TBXAS1: variants seen among roughly 807,000 people sequenced by gnomAD.
TBXAS1 encodes the protein thromboxane-A synthase.
Under a neutral mutation model 60.7 loss-of-function variants are expected in TBXAS1, and 48 were observed. The ratio of observed to expected loss-of-function variants is 0.79; its 90% CI spans 0.63 to 1.01. The LOEUF is 1.01. Ranked by LOEUF, TBXAS1 falls within the 50% of genes least tolerant of loss-of-function variation. The pLI is 0.00. For synonymous variants in TBXAS1, 287 were observed against 269.7 expected (o/e 1.06, Z -0.63); for missense variants, 685 against 686.3 (o/e 1.00, Z 0.02).
intron 6 of TBXAS1, among the ~76,000 whole-genome samples, chr7:139,954,960 G>T (rs1809720835): frequency 6.6e-6 from 1 of 152,222 alleles, no homozygotes; most frequent in Admixed American, 6.5e-5. Context: ...GGGAGACAAA[G>T]TTAATAAAAC....
chr7:139,987,110 C>G (rs558034227), intron 9 of TBXAS1, among the ~76,000 whole-genome samples: 1 of 152,256 alleles, frequency 6.6e-6, no homozygotes, highest in Admixed American at 6.5e-5. Flanking sequence ...GTTTCTCGTG[C>G]TTGGCTGCAG....
intron 1 of TBXAS1, among the ~76,000 whole-genome samples, chr7:139,830,316 TTA>T (rs753064973): frequency 3.9e-5 from 6 of 152,188 alleles, no homozygotes; most frequent in Non-Finnish European, 8.8e-5. Flanking sequence ...GAATTTTAAT[TTA>T]TGTTTTCAGT....
Position 139,849,822 on chromosome 7 carries a change from C to T in TBXAS1, c.89+20343C>T, listed in dbSNP as rs188683367. On this transcript the variant is annotated intron_variant, in intron 1 of 12. Transcript: ENST00000448866. ...AGCTTGTTCACCATGTCCTGAAATACAGCAACCAGGGGACACTCTTGTAGA... is the reference window on the plus strand; with the variant it reads ...AGCTTGTTCACCATGTCCTGAAATATAGCAACCAGGGGACACTCTTGTAGA... 5.3e-5 allele frequency among the ~76,000 whole-genome samples: 8 copies of T among 152,342 alleles called. No homozygotes were observed. The East Asian group carries it at 1.5e-3, about 29-fold the overall frequency.
chr7:139,790,367 T>G (rs1358844290), intron 4 of TBXAS1, among the ~76,000 whole-genome samples: 1 of 152,250 alleles, frequency 6.6e-6, no homozygotes, highest in African/African-American at 2.4e-5. Flanking sequence ...ACAATCCAAG[T>G]CTGGCTAATT....
intron 1 of TBXAS1, among the ~76,000 whole-genome samples, chr7:139,868,341 G>A (rs1584722106): frequency 6.6e-6 from 1 of 152,176 alleles, no homozygotes; most frequent in Non-Finnish European, 1.5e-5. Context: ...GTTACAGCAA[G>A]ATATTTAAAA....
At chr7:139,947,089 C>T (rs1808779821) in intron 5 of TBXAS1, among the ~76,000 whole-genome samples, 1 of 152,118 alleles carries the variant, frequency 6.6e-6, no homozygotes, top group Admixed American at 6.5e-5. Context: ...TTAGAATTCA[C>T]TCTGTTGCCC....
chr7:139,904,047 T>G (rs1804782685), intron 3 of TBXAS1, among the ~76,000 whole-genome samples: 1 of 152,064 alleles, frequency 6.6e-6, no homozygotes, highest in Admixed American at 6.5e-5. Context: ...TCTAGAAAGG[T>G]TTTTCTAATA....
chr7:139,954,685 T>C (rs553280542), intron 6 of TBXAS1, among the ~76,000 whole-genome samples: 1 of 152,204 alleles, frequency 6.6e-6, no homozygotes, highest in Non-Finnish European at 1.5e-5. Flanking sequence ...ACTACTCCTA[T>C]AAGATAACAA....
At chr7:139,817,035 T>A (rs1798165811) in intron 4 of TBXAS1, among the ~76,000 whole-genome samples, 1 of 152,114 alleles carries the variant, frequency 6.6e-6, no homozygotes, top group African/African-American at 2.4e-5. Flanking sequence ...CTGGACTCCC[T>A]CCTCTCCTTG....
chr7:139,867,829 T>TAAATAAAA (rs1569504216), intron 1 of TBXAS1, among the ~76,000 whole-genome samples: 1 of 139,148 alleles, frequency 7.2e-6, no homozygotes. Flanking sequence ...AAATAAATAA[T>TAAATAAAA]AAATAAATAA....
intron 1 of TBXAS1, among the ~76,000 whole-genome samples, chr7:139,853,597 A>T (rs1435207750): frequency 6.6e-6 from 1 of 152,102 alleles, no homozygotes; most frequent in Non-Finnish European, 1.5e-5. Flanking sequence ...AGCATCCTGT[A>T]ACTGTTTCCT....
In TBXAS1 at chr7:140,006,868, C is replaced by T. The variant is rs528749703; in HGVS notation, c.1135-223C>T. 7.9e-5 allele frequency among the ~76,000 whole-genome samples: 12 copies of T among 152,286 alleles called. No homozygotes were observed. In the East Asian group the frequency reaches 9.6e-4, roughly 12 times the overall value. ...TTTATAACCAAACTTCTCTGTATTA[C>T]GAAGACCCCTGAGCCCCAGGCTAGC... On this transcript the variant is annotated intron_variant, in intron 9 of 12. Transcript: ENST00000448866.
intron 9 of TBXAS1, among the ~76,000 whole-genome samples, chr7:139,992,927 T>C (rs1215494236): frequency 6.6e-6 from 1 of 152,150 alleles, no homozygotes; most frequent in Non-Finnish European, 1.5e-5. Flanking sequence ...TACCAGCACT[T>C]TGGGAGGCCG....
At chr7:139,940,562 C>T (rs1808207284) in intron 5 of TBXAS1, among the ~76,000 whole-genome samples, 1 of 152,060 alleles carries the variant, frequency 6.6e-6, no homozygotes, top group South Asian at 2.1e-4. Context: ...CCTGTTGGTC[C>T]CCTCTCTGAC....
intron 6 of TBXAS1, 159 bp downstream of exon 6, chr7:139,953,615 C>T (rs1039992100): frequency 8.5e-6 from 6 of 706,232 alleles, no homozygotes; most frequent in Non-Finnish European, 1.2e-5. Flanking sequence ...GAAAAGAAAC[C>T]CACTTAACAT....
At chr7:139,883,872 G>A (rs1027279890) in intron 3 of TBXAS1, among the ~76,000 whole-genome samples, 40 of 152,154 alleles carry the variant, frequency 2.6e-4, no homozygotes, top group African/African-American at 9.2e-4. Context: ...CTATTCTATT[G>A]TATTGTATTC....
At chr7:139,979,096 G>T (rs1193584917) in intron 9 of TBXAS1, among the ~76,000 whole-genome samples, 1 of 152,200 alleles carries the variant, frequency 6.6e-6, no homozygotes, top group East Asian at 1.9e-4. Flanking sequence ...TGACTGCAAG[G>T]TCTGAGGTAG....
At chr7:139,981,199 C>T (rs576427345) in intron 9 of TBXAS1, among the ~76,000 whole-genome samples, 2 of 152,254 alleles carry the variant, frequency 1.3e-5, no homozygotes, top group East Asian at 3.9e-4. Context: ...CCCCCACCTC[C>T]CGGGTTCAAG....
rs1797251265 is a variant in TBXAS1 at position 139,787,950 on chromosome 7, A to C, written c.-80+524A>C. On this transcript the variant is annotated intron_variant, in intron 4 of 16. Transcript: ENST00000336425. ...TTTCTTTATTGATACAATTTTGAGA[A>C]ACAGTTACTAAATGTGTGTTTCTTT... Among the ~76,000 whole-genome samples, 2 of 152,358 alleles carry C rather than the reference A, an allele frequency of 1.3e-5. 1 individual carries two copies.
Sources: gnomAD v4.1 joint callset for allele counts (sites outside exome capture counted in the v4.1 genomes callset) on GRCh38, gnomAD v4.1.1 for gene constraint, MANE v1.5 for transcripts, NCBI Gene and HGNC (gene_info 2026-07-23, HGNC 2026-07-21) for gene names.